Variants in NAV3 observed in about 807,000 individuals in gnomAD.
NAV3 encodes neuron navigator 3.
NAV3 carries 87 observed loss-of-function variants against 244.7 expected under a neutral mutation model. The observed-to-expected ratio is 0.36, with a 90% confidence interval of 0.30 to 0.42. The LOEUF (loss-of-function observed/expected upper bound fraction) is 0.42. Ranked by LOEUF, NAV3 falls within the 20% of genes least tolerant of loss-of-function variation. The pLI is 1.00. For synonymous variants in NAV3, 1,126 were observed against 1,042.2 expected (o/e 1.08, Z -1.55); for missense variants, 2,663 against 2,893.3 (o/e 0.92, Z 1.83).
At chr12:77,817,249 G>C (rs1312529808) in intron 2 of NAV3, among the ~76,000 whole-genome samples, 1 of 152,080 alleles carries the variant, frequency 6.6e-6, no homozygotes, top group Admixed American at 6.6e-5. Flanking sequence ...AAGCTTTAAG[G>C]CTTATCTAAA....
At position 78,006,723 on chromosome 12, in the gene NAV3, T is replaced by C. The variant is rs904358931; in HGVS notation, c.1185T>C (p.Thr395=). Residue 395 remains threonine (T), a synonymous_variant, in exon 8 of 40, where the codon ACT becomes ACC. Coordinates refer to ENST00000397909, the MANE Select transcript of NAV3 (RefSeq NM_001024383.2). ...LEKFKLVNAR[T]ALRPPQPPSS... ...AATTCAAGCTAGTCAATGCCCGGACTGCTTTACGCCCCCCGCAGCCTCCCA... is the reference window on the plus strand; with the variant it reads ...AATTCAAGCTAGTCAATGCCCGGACCGCTTTACGCCCCCCGCAGCCTCCCA... 11 of 1,614,188 alleles carry C rather than the reference T, an allele frequency of 6.8e-6. No individual in the cohort carries two copies. The highest frequency in any genetic ancestry group is 9.3e-6 in the Non-Finnish European group (11 of 1,180,050).
chr12:77,659,643 A>G (rs1280786834), intron 2 of NAV3, among the ~76,000 whole-genome samples: 2 of 152,206 alleles, frequency 1.3e-5, no homozygotes, highest in Admixed American at 1.3e-4. Context: ...TCATACTGCT[A>G]TAAAGACACA....
chr12:77,864,090 C>T (rs190793648), intron 1 of NAV3, among the ~76,000 whole-genome samples: 1 of 151,966 alleles, frequency 6.6e-6, no homozygotes, highest in Admixed American at 6.6e-5. Flanking sequence ...AAAGCCTAAA[C>T]ATGAAGATTC....
At chr12:77,988,793 C>T (rs1334851271) in intron 5 of NAV3, among the ~76,000 whole-genome samples, 2 of 152,236 alleles carry the variant, frequency 1.3e-5, no homozygotes, top group South Asian at 2.1e-4. Flanking sequence ...CTACATGTCA[C>T]CTGTGTCTGT....
At chr12:77,769,504 T>C (rs965030065) in intron 2 of NAV3, among the ~76,000 whole-genome samples, 1 of 152,212 alleles carries the variant, frequency 6.6e-6, no homozygotes, top group Admixed American at 6.5e-5. Flanking sequence ...ACTTAGACAT[T>C]GTAAGCTTTC....
At chr12:78,078,731 CTCT>C (rs1953198170) in intron 12 of NAV3, among the ~76,000 whole-genome samples, 1 of 152,076 alleles carries the variant, frequency 6.6e-6, no homozygotes, top group African/African-American at 2.4e-5. Context: ...CATAGCTTCT[CTCT>C]CAATAACCTC....
intron 12 of NAV3, among the ~76,000 whole-genome samples, 188 bp downstream of exon 12, chr12:78,059,303 T>A (rs894457320): frequency 6.6e-6 from 1 of 152,138 alleles, no homozygotes; most frequent in African/African-American, 2.4e-5. Flanking sequence ...TTTTTTTGTG[T>A]GTGTGAGACA....
At chr12:77,668,098 C>T (rs1873800968) in intron 2 of NAV3, among the ~76,000 whole-genome samples, 1 of 152,154 alleles carries the variant, frequency 6.6e-6, no homozygotes, top group South Asian at 2.1e-4. Flanking sequence ...GGGAGACCAC[C>T]ACATCAAGGG....
chr12:77,743,428 A>G (rs536301287), intron 2 of NAV3, among the ~76,000 whole-genome samples: 59 of 151,988 alleles, frequency 3.9e-4, no homozygotes, highest in Middle Eastern at 3.4e-3. Flanking sequence ...TACATATGAC[A>G]CAGCCAATTT....
At chr12:78,138,891 A>G (rs1034531021) in intron 19 of NAV3, among the ~76,000 whole-genome samples, 1 of 152,144 alleles carries the variant, frequency 6.6e-6, no homozygotes, top group African/African-American at 2.4e-5. Flanking sequence ...GGCGATCTAG[A>G]TTCAAGACTT....
intron 11 of NAV3, chr12:78,052,203 T>A (rs962935090): frequency 7.2e-5 from 11 of 152,002 alleles, no homozygotes; most frequent in African/African-American, 2.4e-4. Flanking sequence ...AAAGCTTATG[T>A]TTGAAGGGTG....
intron 1 of NAV3, among the ~76,000 whole-genome samples, chr12:77,854,601 GTGTGTT>G: frequency 6.6e-6 from 1 of 151,716 alleles, no homozygotes; most frequent in South Asian, 2.1e-4. Flanking sequence ...GTGTGTGTGT[GTGTGTT>G]TGTGTGTGTG....
chr12:77,606,359 C>T (rs1870672100), intron 2 of NAV3, among the ~76,000 whole-genome samples: 1 of 152,132 alleles, frequency 6.6e-6, no homozygotes. Flanking sequence ...AGCTTAGCCT[C>T]ACTTGTTATA....
intron 1 of NAV3, among the ~76,000 whole-genome samples, chr12:77,877,855 C>G (rs1045075702): frequency 1.3e-5 from 2 of 152,098 alleles, no homozygotes; most frequent in African/African-American, 4.8e-5. Context: ...TTGACAAACA[C>G]TGTGCCAGCC....
rs746625900 is a variant in NAV3 at position 78,185,585 on chromosome 12, T to C, written c.5693-16T>C. ...TGTTATACTGTTGTGTATGTCTTTCTTTTAAAATTTGATAGATATTTTGCT... is the reference window on the plus strand; with the variant it reads ...TGTTATACTGTTGTGTATGTCTTTCCTTTAAAATTTGATAGATATTTTGCT... On this transcript the variant is annotated splice_polypyrimidine_tract_variant and intron_variant, in intron 30 of 39. Coordinates refer to ENST00000397909, the MANE Select transcript of NAV3 (RefSeq NM_001024383.2). The C allele has an allele frequency of 3.1e-6, 5 of 1,603,042 alleles. No homozygotes were observed. The East Asian group carries it at 9.0e-5, about 29-fold the overall frequency.
At chr12:78,186,179 T>A (rs1330889160) in intron 31 of NAV3, among the ~76,000 whole-genome samples, 1 of 151,870 alleles carries the variant, frequency 6.6e-6, no homozygotes, top group Admixed American at 6.6e-5. Flanking sequence ...TTAAGCAAGG[T>A]CCTAGATGAC....
intron 5 of NAV3, among the ~76,000 whole-genome samples, chr12:77,975,502 T>C (rs1868309078): frequency 6.6e-6 from 1 of 152,200 alleles, no homozygotes; most frequent in Non-Finnish European, 1.5e-5. Context: ...TTTGCTAATT[T>C]AAATTTAATG....
At chr12:78,191,235 G>C in intron 34 of NAV3, among the ~76,000 whole-genome samples, 1 of 152,158 alleles carries the variant, frequency 6.6e-6, no homozygotes, top group Non-Finnish European at 1.5e-5. Flanking sequence ...CCTGTAAAAT[G>C]AGGGAAATAG....
At chr12:78,041,881 A>G (rs1212560713) in intron 9 of NAV3, among the ~76,000 whole-genome samples, 3 of 152,186 alleles carry the variant, frequency 2.0e-5, no homozygotes, top group Non-Finnish European at 4.4e-5. Context: ...TGACTTCCCT[A>G]TGTGACAATT....
Sources: gnomAD v4.1 joint callset for allele counts (sites outside exome capture counted in the v4.1 genomes callset) on GRCh38, gnomAD v4.1.1 for gene constraint, MANE v1.5 for transcripts, NCBI Gene and HGNC (gene_info 2026-07-23, HGNC 2026-07-21) for gene names.